PSMD9: variants seen among roughly 807,000 people sequenced by gnomAD.
PSMD9 encodes proteasome 26S subunit, non-ATPase 9.
Under a neutral mutation model 25.9 loss-of-function variants are expected in PSMD9, and 26 were observed. The ratio of observed to expected loss-of-function variants is 1.00; its 90% CI spans 0.73 to 1.39. The LOEUF is 1.39. Among genes scored for constraint, PSMD9 ranks in the 40% most tolerant of loss-of-function variants. The pLI is 0.00. For missense variants in PSMD9, 303 were observed against 299.3 expected (o/e 1.01, Z -0.09); for synonymous variants, 110 against 114.5 (o/e 0.96, Z 0.25).
intron 2 of PSMD9, 179 bp from the exon 3 acceptor site, chr12:121,899,455 C>A: frequency 1.6e-6 from 1 of 618,888 alleles, no homozygotes; most frequent in Non-Finnish European, 2.8e-6. Context: ...TGGAGCTGCT[C>A]CTTGCAGGAC....
chr12:121,913,018 A>G (rs1348669022), intron 4 of PSMD9, among the ~76,000 whole-genome samples: 7 of 149,964 alleles, frequency 4.7e-5, no homozygotes, highest in South Asian at 2.1e-4. Context: ...CTCACTGCAA[A>G]CTCCGCCTCC....
intron 4 of PSMD9, among the ~76,000 whole-genome samples, chr12:121,909,489 T>C (rs1879655511): frequency 6.6e-6 from 1 of 151,758 alleles, no homozygotes; most frequent in African/African-American, 2.4e-5. Flanking sequence ...AATTTTTTTT[T>C]TTTTCATTTT....
chr12:121,903,226 A>C (rs1879452890), intron 4 of PSMD9, 119 bp downstream of exon 4: 1 of 914,134 alleles, frequency 1.1e-6, no homozygotes, highest in African/African-American at 1.7e-5. Flanking sequence ...AGGGAAGTCC[A>C]AGATCCAGGC....
intron 4 of PSMD9, among the ~76,000 whole-genome samples, 182 bp downstream of exon 4, chr12:121,903,289 C>T (rs1436583690): frequency 6.6e-6 from 1 of 152,160 alleles, no homozygotes; most frequent in Non-Finnish European, 1.5e-5. Context: ...CTAGGTGGTG[C>T]CTTCTTGCTG....
At chr12:121,905,827 C>T (rs1318534049) in intron 4 of PSMD9, among the ~76,000 whole-genome samples, 1 of 151,884 alleles carries the variant, frequency 6.6e-6, no homozygotes, top group Non-Finnish European at 1.5e-5. Flanking sequence ...CCACTGTGGC[C>T]TGCCATTCCC....
At chr12:121,898,124 TG>T (rs898817250) in intron 2 of PSMD9, 2 of 152,170 alleles carry the variant, frequency 1.3e-5, no homozygotes, top group African/African-American at 4.8e-5. Flanking sequence ...TGTTCAGATC[TG>T]GGTTCTTTTC....
chr12:121,890,068 C>T (rs966106357), intron 1 of PSMD9, among the ~76,000 whole-genome samples: 2 of 152,096 alleles, frequency 1.3e-5, no homozygotes, highest in South Asian at 4.1e-4. Context: ...CAGGCGAGCG[C>T]CAGTACGCCA....
At chr12:121,909,194 G>A (rs1879645649) in intron 4 of PSMD9, among the ~76,000 whole-genome samples, 1 of 152,152 alleles carries the variant, frequency 6.6e-6, no homozygotes, top group South Asian at 2.1e-4. Context: ...CTGATGGAGT[G>A]TGTCAAGGAG....
At chr12:121,890,978 G>A (rs1199316983) in intron 1 of PSMD9, among the ~76,000 whole-genome samples, 6 of 150,134 alleles carry the variant, frequency 4.0e-5, no homozygotes, top group African/African-American at 9.8e-5. Flanking sequence ...CGGGCCTGGT[G>A]GCTCACGCCT....
chr12:121,897,700 A>T (rs1468844136), intron 2 of PSMD9: 1 of 129,888 alleles, frequency 7.7e-6, no homozygotes, highest in East Asian at 2.4e-4. Context: ...TTTTAGTAGT[A>T]TTTTTTTAGT....
intron 4 of PSMD9, among the ~76,000 whole-genome samples, chr12:121,906,036 A>C (rs954089264): frequency 1.3e-5 from 2 of 150,286 alleles, no homozygotes; most frequent in African/African-American, 5.0e-5. Context: ...GTGGATTCTG[A>C]GACTTCTGTC....
At chr12:121,895,884 T>C (rs1879214519) in intron 2 of PSMD9, among the ~76,000 whole-genome samples, 1 of 152,216 alleles carries the variant, frequency 6.6e-6, no homozygotes, top group Non-Finnish European at 1.5e-5. Context: ...CATTATCCAC[T>C]CAGCCATAGG....
intron 3 of PSMD9, among the ~76,000 whole-genome samples, chr12:121,901,012 A>T (rs1295728279): frequency 1.4e-5 from 2 of 145,666 alleles, no homozygotes; most frequent in African/African-American, 5.1e-5. Context: ...AAAAAAGGAG[A>T]TGGGGTTTCG....
At chr12:121,889,248 G>A (rs1878987271) in intron 1 of PSMD9, among the ~76,000 whole-genome samples, 1 of 152,252 alleles carries the variant, frequency 6.6e-6, no homozygotes, top group South Asian at 2.1e-4. Flanking sequence ...TAAGTGCTGT[G>A]CATTGTTGAG....
chr12:121,901,663 C>CTTTTTTT (rs1376133221), intron 3 of PSMD9, among the ~76,000 whole-genome samples: 1 of 113,834 alleles, frequency 8.8e-6, no homozygotes, highest in African/African-American at 4.3e-5. Context: ...CCCTTCATTC[C>CTTTTTTT]TTCTTTTTTT....
At position 121,916,485 on chromosome 12, in the gene PSMD9, G is replaced by C; in HGVS notation, c.*174G>C. On this transcript the variant is annotated 3_prime_UTR_variant, in exon 6 of 6. Transcript: ENST00000541212. ...ACCAGTGTAATCTCCCTGGATTAAG[G>C]CATTCTTAAAAACTTAGGCTTGGCC... is the stretch of plus-strand genomic sequence containing the variant. 1.3e-6 allele frequency: 1 copy of C among 766,816 alleles called. No individual in the cohort carries two copies. 47.5% of individuals were successfully genotyped at this position (766,816 alleles called of 1,614,324 possible).
chr12:121,900,161 G>A (rs1879349769), intron 3 of PSMD9, among the ~76,000 whole-genome samples: 1 of 152,190 alleles, frequency 6.6e-6, no homozygotes, highest in South Asian at 2.1e-4. Flanking sequence ...ACTGAATGAT[G>A]AAAATGAGAA....
chr12:121,915,989 GTGTT>G (rs1193633839), intron 5 of PSMD9, 45 bp downstream of exon 5: 2 of 1,575,186 alleles, frequency 1.3e-6, no homozygotes, highest in African/African-American at 1.3e-5. Context: ...CATCATTTGA[GTGTT>G]TGTTAAACAT....
At chr12:121,901,666 CTTTTTTTTTTT>C (rs563939839) in intron 3 of PSMD9, among the ~76,000 whole-genome samples, 2 of 93,610 alleles carry the variant, frequency 2.1e-5, no homozygotes, top group African/African-American at 1.2e-4. Context: ...TTCATTCCTT[CTTTTTTTTTTT>C]TTTTTTTTTT....
Sources: gnomAD v4.1 joint callset for allele counts (sites outside exome capture counted in the v4.1 genomes callset) on GRCh38, gnomAD v4.1.1 for gene constraint, MANE v1.5 for transcripts, NCBI Gene and HGNC (gene_info 2026-07-23, HGNC 2026-07-21) for gene names.